Variants in ABCC10 observed in about 807,000 individuals in gnomAD.
ABCC10 encodes ATP-binding cassette sub-family C member 10.
A neutral mutation model predicts 143.2 loss-of-function variants in ABCC10; 110 were observed. The ratio of observed to expected loss-of-function variants is 0.77; its 90% confidence interval spans 0.66 to 0.90. The LOEUF is 0.90. Ranked by LOEUF, ABCC10 falls within the 40% of genes least tolerant of loss-of-function variation. The pLI is 0.00. For synonymous variants in ABCC10, 805 were observed against 846.7 expected (o/e 0.95, Z 0.85); for missense variants, 1,700 against 1,900.5 (o/e 0.89, Z 1.96).
chr6:43,436,219 CCTT>C lies in ABCC10; in HGVS notation c.1849_1851del (p.Phe617del), dbSNP rs1181256822. 3.7e-6 allele frequency: 6 copies of C among 1,613,958 alleles called. No homozygotes were observed. The African/African-American group carries it at 8.0e-5, about 22-fold the overall frequency. On this transcript the variant is annotated inframe_deletion, in exon 6 of 22. Coordinates refer to ENST00000372530, the MANE Select transcript of ABCC10 (RefSeq NM_001198934.2). ...GACCCAGTTGGAACCAGCCTGGAGA[CCTT>C]CATCAGTCATCTCGAAGTGAAAAAG...
chr6:43,447,868 T>C lies in ABCC10; in HGVS notation c.3890T>C (p.Leu1297Pro). ...CTGTTGTTGGTGCTCTTCCGGCTGCTAGAGCCCAGTTCAGGGCGAGTGCTG... is the reference window on the plus strand; with the variant it reads ...CTGTTGTTGGTGCTCTTCCGGCTGCCAGAGCCCAGTTCAGGGCGAGTGCTG... ...SSLLLVLFRL[L>P]EPSSGRVLLD... The change falls in exon 18 of 22, where the codon CTA (leucine) becomes CCA (proline). Residue 1297 changes from leucine (L) to proline (P), a missense_variant. Physicochemically the swap from Leu to Pro is moderately conservative, Grantham distance 98 (BLOSUM62 -3). Coordinates refer to ENST00000372530, the MANE Select transcript of ABCC10 (RefSeq NM_001198934.2). 1 of 1,613,946 alleles carries C rather than the reference T, an allele frequency of 6.2e-7. No individual in the cohort carries two copies. Among genetic ancestry groups the C allele is most frequent in the Non-Finnish European group, 8.5e-7 (1 of 1,180,016 alleles).
In ABCC10 at chr6:43,438,770, C is replaced by T; in HGVS notation, c.2102C>T (p.Ala701Val). ...CAGCTGTACAAGGAGGTGCTAGAAG[C>T]CTGCGCCCTCAATGATGACCTCAGT... is the stretch of plus-strand genomic sequence containing the variant. ...DAQLYKEVLE[A>V]CALNDDLSIL... The change falls in exon 8 of 22, where the codon GCC becomes GTC. Residue 701 changes from alanine to valine, a missense_variant. Physicochemically the swap from Ala to Val is moderately conservative, Grantham distance 64 (BLOSUM62 0). Transcript: ENST00000372530. 2 of 1,614,174 alleles carry T rather than the reference C, an allele frequency of 1.2e-6. No homozygotes were observed. Among genetic ancestry groups the T allele is most frequent in the Non-Finnish European group, 1.7e-6 (2 of 1,180,002 alleles).
At chr6:43,441,418 G>T (rs966652860) in intron 8 of ABCC10, among the ~76,000 whole-genome samples, 1 of 152,078 alleles carries the variant, frequency 6.6e-6, no homozygotes, top group Non-Finnish European at 1.5e-5. Context: ...GGAGGTTTCA[G>T]TGAGCTGAGA....
At chr6:43,451,329 A>G, downstream of ABCC10, 1 of 1,570,442 alleles carries the variant, frequency 6.4e-7, no homozygotes, top group South Asian at 1.2e-5. The surrounding 1 kb of genome is among the most constrained non-coding windows in gnomAD (Gnocchi z 4.4). Flanking sequence ...CCTGTAGGGC[A>G]GCCCAGGTCA....
rs781216160 is a variant in ABCC10 at position 43,432,973 on chromosome 6, C to T, written c.993C>T (p.Ala331=). 8.7e-6 allele frequency: 14 copies of T among 1,614,004 alleles called. No individual in the cohort carries two copies. The highest frequency in any genetic ancestry group is 5.3e-5 in the African/African-American group (4 of 74,892). The change falls in exon 3 of 22, where the codon GCC becomes GCT. Residue 331 remains alanine (A), a synonymous_variant. Coordinates refer to ENST00000372530, the MANE Select transcript of ABCC10 (RefSeq NM_001198934.2). The stretch of plus-strand genomic sequence containing the variant: ...GCCTGCTCTATGCTCTGGGGCTAGC[C>T]GGTGGGGCTGTGCTGGGTGCTGTGC... ...SHGLLYALGL[A]GGAVLGAVLQ... is the part of the protein sequence containing the mutation.
Position 43,449,913 on chromosome 6 carries a change from A to G in ABCC10, c.4317-16A>G, listed in dbSNP as rs764286146. ...TTGTCCCTCATCCCCTACACTGACC[A>G]TCTTCCCCCTCACAGGCTCAACACG... On this transcript the variant is annotated splice_polypyrimidine_tract_variant and intron_variant, in intron 21 of 21. Coordinates refer to ENST00000372530, the MANE Select transcript of ABCC10 (RefSeq NM_001198934.2). The G allele has an allele frequency of 2.4e-5, 38 of 1,613,756 alleles. No individual in the cohort carries two copies. Among genetic ancestry groups the G allele is most frequent in the Non-Finnish European group, 3.2e-5 (38 of 1,179,964 alleles).
In ABCC10 at chr6:43,450,058, G is replaced by T; in HGVS notation, c.4446G>T (p.Gln1482His). 1 of 1,609,990 alleles carries T rather than the reference G, an allele frequency of 6.2e-7. No homozygotes were observed. Among genetic ancestry groups the T allele is most frequent in the South Asian group, 1.1e-5 (1 of 90,730 alleles). The change falls in exon 22 of 22, where the codon CAG (glutamine) becomes CAT (histidine). Residue 1482 changes from glutamine to histidine, a missense_variant. By Grantham distance (24) the Gln-to-His change is conservative (BLOSUM62 0). Transcript: ENST00000372530. The surrounding 1 kb of genome is among the most constrained non-coding windows in gnomAD (Gnocchi z 4.5). ...SLFQQLLQSS[Q>H]QGVPASLGGP Reference sequence around the variant, plus strand: ...TCCAGCAGCTGCTGCAGAGCAGCCAGCAGGGAGTCCCTGCCTCACTCGGAG... The same window carrying T: ...TCCAGCAGCTGCTGCAGAGCAGCCATCAGGGAGTCCCTGCCTCACTCGGAG...
At chr6:43,435,434 A>G (rs1449510248) in intron 4 of ABCC10, among the ~76,000 whole-genome samples, 1 of 152,090 alleles carries the variant, frequency 6.6e-6, no homozygotes, top group Non-Finnish European at 1.5e-5. Context: ...TCAGGAGGCT[A>G]GGGTAGGAGA....
intron 9 of ABCC10, 97 bp from the exon 10 acceptor site, chr6:43,442,873 C>T: frequency 8.7e-7 from 1 of 1,152,892 alleles, no homozygotes; most frequent in Non-Finnish European, 1.2e-6. Flanking sequence ...AGGGGTAGCC[C>T]CCAGAGTTTC....
Position 43,433,060 on chromosome 6 carries a change from G to A in ABCC10, c.1080G>A (p.Leu360=), listed in dbSNP as rs764648725. ...KVTLQARGAV[L]NILYCKALQL... is the part of the protein sequence containing the mutation. ...CACTTCAGGCACGGGGGGCTGTGCT[G>A]AACATCCTGTACTGCAAGGCTTTAC... is the stretch of plus-strand genomic sequence containing the variant. The change falls in exon 3 of 22, where the codon CTG becomes CTA. Residue 360 remains leucine (L), a synonymous_variant. Coordinates refer to ENST00000372530, the MANE Select transcript of ABCC10 (RefSeq NM_001198934.2). 8 of 1,614,162 alleles carry A rather than the reference G, an allele frequency of 5.0e-6. No individual in the cohort carries two copies. The South Asian group carries it at 6.6e-5, about 13-fold the overall frequency.
At chr6:43,447,997 A>C (rs757074240) in intron 18 of ABCC10, 60 bp downstream of exon 18, 1 of 1,597,484 alleles carries the variant, frequency 6.3e-7, no homozygotes, top group South Asian at 1.1e-5. Context: ...CACTTAGAGG[A>C]GGGCATAGCC....
downstream of ABCC10, chr6:43,450,966 T>C (rs1783695730): frequency 6.2e-7 from 1 of 1,614,060 alleles, no homozygotes; most frequent in African/African-American, 1.3e-5. This position sits in a 1 kb window ranked among gnomAD's most constrained non-coding sequence, Gnocchi z 4.5. Context: ...CTTGCCACCA[T>C]AGCCACTGGG....
intron 6 of ABCC10, among the ~76,000 whole-genome samples, chr6:43,437,433 C>CAAAAAAAAA (rs57827467): frequency 2.9e-5 from 3 of 102,392 alleles, no homozygotes; most frequent in African/African-American, 1.9e-4. Context: ...AACATATGAC[C>CAAAAAAAAA]AAAAAAAAAA....
In ABCC10 at chr6:43,432,386, T is replaced by C. The variant is rs752795128; in HGVS notation, c.406T>C (p.Leu136=). ...TGGCCACTCCCGGGGTCCCTTGGCC[T>C]TGGCCCTGGTAGCCTTGCTGCCAGC... The part of the protein sequence containing the change: ...PHGHSRGPLA[L]ALVALLPAPA... The change falls in exon 3 of 22, where the codon TTG becomes CTG. Residue 136 remains leucine, a synonymous_variant. Transcript: ENST00000372530. 9.9e-6 allele frequency: 16 copies of C among 1,612,760 alleles called. No homozygotes were observed. The Middle Eastern group carries it at 8.2e-4, about 83-fold the overall frequency.
Position 43,443,008 on chromosome 6 carries a change from T to C in ABCC10, c.2265T>C (p.Ala755=). Residue 755 remains alanine, a synonymous_variant, in exon 10 of 22, where the codon GCT becomes GCC. Transcript: ENST00000372530. The surrounding 1 kb of genome is among the most constrained non-coding windows in gnomAD (Gnocchi z 4.2). Reference sequence around the variant, plus strand: ...ATCTCCTCGATGACCCTCTGGCCGCTGTGGATGCAGATGTGGCCAACCACC... The same window carrying C: ...ATCTCCTCGATGACCCTCTGGCCGCCGTGGATGCAGATGTGGCCAACCACC... ...ELYLLDDPLA[A]VDADVANHLL... The C allele has an allele frequency of 1.2e-6, 2 of 1,609,490 alleles. No individual in the cohort carries two copies. Among genetic ancestry groups the C allele is most frequent in the Middle Eastern group, 1.7e-4 (1 of 6,038 alleles).
In ABCC10 at chr6:43,449,455, G is replaced by T. The variant is rs1361371702; in HGVS notation, c.4237G>T (p.Asp1413Tyr). ...TATCGATGAGGCCACAGCAAGTGTG[G>T]ACCAGAAGACAGACCAGCTGCTCCA... is the stretch of plus-strand genomic sequence containing the variant. The part of the protein sequence containing the change: ...LCIDEATASV[D>Y]QKTDQLLQQT... The change falls in exon 21 of 22, where the codon GAC (aspartate) becomes TAC (tyrosine). Residue 1413 changes from aspartate (D) to tyrosine (Y), a missense_variant. Physicochemically the swap from Asp to Tyr is radical, Grantham distance 160. Transcript: ENST00000372530. 2 of 1,613,932 alleles carry T rather than the reference G, an allele frequency of 1.2e-6. No homozygotes were observed. Among genetic ancestry groups the T allele is most frequent in the Non-Finnish European group, 8.5e-7 (1 of 1,179,916 alleles).
intron 12 of ABCC10, 57 bp downstream of exon 12, chr6:43,444,410 A>G (rs1369117068): frequency 3.3e-6 from 5 of 1,522,024 alleles, no homozygotes; most frequent in Non-Finnish European, 4.4e-6. Context: ...CTAGGTGCCC[A>G]TTACCTTGCA....
chr6:43,450,364 A>G lies in ABCC10; in HGVS notation c.*273A>G. 1.0e-6 allele frequency: 1 copy of G among 993,046 alleles called. No individual in the cohort carries two copies. Among genetic ancestry groups the G allele is most frequent in the South Asian group, 2.1e-5 (1 of 46,898 alleles). 61.5% of individuals were successfully genotyped at this position (993,046 alleles called of 1,614,324 possible). ...CATAGGAGCCCACTTGCATTTTCAT[A>G]GTTTTATTTGATAAAATTCCATCTT... On this transcript the variant is annotated 3_prime_UTR_variant, in exon 22 of 22. Transcript: ENST00000372530. The surrounding 1 kb of genome is among the most constrained non-coding windows in gnomAD (Gnocchi z 4.5).
In ABCC10 at chr6:43,428,087, C is replaced by T. The variant is rs761544815; in HGVS notation, c.109C>T (p.Leu37=). 6.4e-7 allele frequency: 1 copy of T among 1,562,648 alleles called. No homozygotes were observed. Among genetic ancestry groups the T allele is most frequent in the Middle Eastern group, 1.7e-4 (1 of 5,956 alleles). Residue 37 remains leucine (L), a synonymous_variant, in exon 2 of 22, where the codon CTG becomes TTG. Coordinates refer to ENST00000372530, the MANE Select transcript of ABCC10 (RefSeq NM_001198934.2). The part of the protein sequence containing the change: ...HCFTQLVLSA[L]PHALLAVLSA... ...CTTCACCCAGCTGGTGCTCAGCGCC[C>T]TGCCCCACGCGCTCCTCGCCGTGCT...
Sources: gnomAD v4.1 joint callset for allele counts (sites outside exome capture counted in the v4.1 genomes callset) on GRCh38, gnomAD v4.1.1 for gene constraint, Gnocchi (gnomAD v3.1) non-coding constraint, MANE v1.5 for transcripts, NCBI Gene and HGNC (gene_info 2026-07-23, HGNC 2026-07-21) for gene names.